TRMT9B: variants seen among roughly 807,000 people sequenced by gnomAD.
The protein encoded by TRMT9B is probable tRNA methyltransferase 9B.
TRMT9B carries 16 observed loss-of-function variants against 11.5 expected under a neutral mutation model. That is an observed-to-expected ratio of 1.39 (90% CI 0.94 to 2.11). The LOEUF is 2.11. Among genes scored for constraint, TRMT9B ranks in the 30% most tolerant of loss-of-function variants. The probability of loss-of-function intolerance (pLI) is 0.00; values close to 1 mark genes in which losing one functional copy is unlikely to be tolerated. For synonymous variants in TRMT9B, 274 were observed against 192.4 expected (o/e 1.42, Z -3.51); for missense variants, 941 against 553.8 (o/e 1.70, Z -7.02).
chr8:12,956,698 C>T (rs1446976910), intron 1 of TRMT9B, among the ~76,000 whole-genome samples: 1 of 152,228 alleles, frequency 6.6e-6, no homozygotes, highest in African/African-American at 2.4e-5. Flanking sequence ...GTGTTTTTCC[C>T]GAATCTTTCT....
At chr8:12,996,002 G>C (rs1000984291) in intron 2 of TRMT9B, among the ~76,000 whole-genome samples, 1 of 152,128 alleles carries the variant, frequency 6.6e-6, no homozygotes, top group Non-Finnish European at 1.5e-5. Context: ...GTCTTAACGA[G>C]TAACAGTAAC....
intron 1 of TRMT9B, among the ~76,000 whole-genome samples, chr8:12,961,486 G>T (rs897531841): frequency 1.3e-4 from 19 of 151,898 alleles, no homozygotes; most frequent in Non-Finnish European, 2.2e-4. Context: ...CGGATCACGA[G>T]GTCAGGAGAT....
chr8:12,952,122 G>A, intron 1 of TRMT9B: 1 of 444,540 alleles, frequency 2.2e-6, no homozygotes, highest in Non-Finnish European at 4.5e-6. Context: ...AGCAGCTTTT[G>A]CCCCTGGCTG....
At chr8:12,948,951 C>T (rs1219297846) in intron 1 of TRMT9B, among the ~76,000 whole-genome samples, 3 of 152,158 alleles carry the variant, frequency 2.0e-5, no homozygotes, top group South Asian at 2.1e-4. Context: ...CAGGGCAAGA[C>T]TCCGTTTCAA....
At chr8:13,014,894 C>T (rs564904084) in intron 4 of TRMT9B, among the ~76,000 whole-genome samples, 1 of 151,888 alleles carries the variant, frequency 6.6e-6, no homozygotes, top group African/African-American at 2.4e-5. Context: ...AACCCCGTCT[C>T]TACTAAAAAT....
chr8:12,959,493 TCCTC>T (rs1801767040), intron 1 of TRMT9B, among the ~76,000 whole-genome samples: 2 of 147,022 alleles, frequency 1.4e-5, no homozygotes, highest in Admixed American at 6.8e-5. Flanking sequence ...TCCTCTCCTC[TCCTC>T]TCCTTTCCTT....
At position 12,955,794 on chromosome 8, in the gene TRMT9B, A is replaced by G. The variant is rs142474881; in HGVS notation, c.-200+9828A>G. 1.1e-4 allele frequency among the ~76,000 whole-genome samples: 17 copies of G among 152,270 alleles called. No homozygotes were observed. In the East Asian group the frequency reaches 3.3e-3, roughly 29 times the overall value. ...CAGGAAGGTTGGAATGAAGGTTGCA[A>G]CTGAAAGTAGGGGAGGGGACCTGGC... is the stretch of plus-strand genomic sequence containing the variant. On this transcript the variant is annotated intron_variant, in intron 1 of 4. Transcript: ENST00000524591.
Position 12,990,888 on chromosome 8 carries a change from A to G in TRMT9B, c.-145A>G. 1 of 1,289,668 alleles carries G rather than the reference A, an allele frequency of 7.8e-7. No homozygotes were observed. Among genetic ancestry groups the G allele is most frequent in the Non-Finnish European group, 1.0e-6 (1 of 988,686 alleles). 79.9% of individuals were successfully genotyped at this position (1,289,668 alleles called of 1,614,324 possible). ...AGAGGTTTATCATGAGAAGGACCGCACTATTTCATTTCACTCCTACAAGTT... is the reference window on the plus strand; with the variant it reads ...AGAGGTTTATCATGAGAAGGACCGCGCTATTTCATTTCACTCCTACAAGTT... On this transcript the variant is annotated 5_prime_UTR_variant, in exon 2 of 5. Transcript: ENST00000524591.
chr8:12,990,593 C>T (rs1205783468), intron 1 of TRMT9B, among the ~76,000 whole-genome samples: 1 of 152,134 alleles, frequency 6.6e-6, no homozygotes, highest in African/African-American at 2.4e-5. Flanking sequence ...AAGATGAAAT[C>T]ATTCAATTTA....
intron 1 of TRMT9B, chr8:12,952,568 T>C (rs1800771870): frequency 2.9e-6 from 1 of 340,950 alleles, no homozygotes; most frequent in Admixed American, 6.5e-5. Flanking sequence ...TATTTTTTCA[T>C]GGAGTGCACG....
At chr8:12,959,101 T>G (rs1801700753) in intron 1 of TRMT9B, among the ~76,000 whole-genome samples, 1 of 152,022 alleles carries the variant, frequency 6.6e-6, no homozygotes, top group Non-Finnish European at 1.5e-5. Flanking sequence ...ATAATAATAA[T>G]AAAAAGAATT....
At chr8:12,956,729 T>A in intron 1 of TRMT9B, among the ~76,000 whole-genome samples, 1 of 152,230 alleles carries the variant, frequency 6.6e-6, no homozygotes, top group East Asian at 1.9e-4. Flanking sequence ...ACTTTCAGCA[T>A]GCTCATTTTA....
At chr8:12,987,286 A>G (rs1410303154) in intron 1 of TRMT9B, among the ~76,000 whole-genome samples, 1 of 152,216 alleles carries the variant, frequency 6.6e-6, no homozygotes, top group Admixed American at 6.5e-5. Context: ...AATGTGTTAA[A>G]TGCTTACAAC....
At chr8:13,004,146 A>G (rs1809981803) in intron 2 of TRMT9B, among the ~76,000 whole-genome samples, 1 of 152,030 alleles carries the variant, frequency 6.6e-6, no homozygotes, top group African/African-American at 2.4e-5. Context: ...TGCTGGTCCC[A>G]GCAGTCTGAA....
At chr8:12,968,353 A>G (rs1803114534) in intron 1 of TRMT9B, among the ~76,000 whole-genome samples, 2 of 152,192 alleles carry the variant, frequency 1.3e-5, no homozygotes, top group Non-Finnish European at 1.5e-5. Context: ...TGTCCCTTTA[A>G]TCTAGAAAGC....
rs867738745 is a variant in TRMT9B at position 12,990,889 on chromosome 8, C to G, written c.-144C>G. ...GAGGTTTATCATGAGAAGGACCGCA[C>G]TATTTCATTTCACTCCTACAAGTTT... On this transcript the variant is annotated 5_prime_UTR_variant, in exon 2 of 5. Coordinates refer to ENST00000524591, the MANE Select transcript of TRMT9B (RefSeq NM_020844.3). The G allele has an allele frequency of 7.8e-7, 1 of 1,289,640 alleles. No individual in the cohort carries two copies. Among genetic ancestry groups the G allele is most frequent in the African/African-American group, 1.5e-5 (1 of 65,966 alleles). The allele number at this position is 1,289,640 out of a possible 1,614,324, so 79.9% of individuals were successfully genotyped here.
chr8:13,015,745 C>T (rs1270408406), intron 4 of TRMT9B, among the ~76,000 whole-genome samples: 1 of 152,108 alleles, frequency 6.6e-6, no homozygotes, highest in Admixed American at 6.5e-5. Flanking sequence ...CTTTCCTATG[C>T]TTGGGAAACA....
At chr8:13,007,358 T>C (rs1214377278) in intron 3 of TRMT9B, 1 of 152,366 alleles carries the variant, frequency 6.6e-6, no homozygotes, top group African/African-American at 2.4e-5. Flanking sequence ...CACAGCTTAG[T>C]AGATCTAGGA....
rs889855440 is a variant in TRMT9B, at chr8:13,010,794, G to A, written c.155-1890G>A. 9 of 982,544 alleles carry A rather than the reference G, an allele frequency of 9.2e-6. No homozygotes were observed. The African/African-American group carries it at 1.1e-4, about 11-fold the overall frequency. The allele number at this position is 982,544 out of a possible 1,614,324, so 60.9% of individuals were successfully genotyped here. A position where few individuals can be genotyped will look rare whatever the true frequency, so the allele number is the denominator to read the frequency against. ...TTATTTTTCTTAAAATAGGACCATCGTCTTTTGAAATACACAGGATTTTAA... is the reference window on the plus strand; with the variant it reads ...TTATTTTTCTTAAAATAGGACCATCATCTTTTGAAATACACAGGATTTTAA... On this transcript the variant is annotated intron_variant, in intron 3 of 4. Transcript: ENST00000524591.
Sources: gnomAD v4.1 joint callset for allele counts (sites outside exome capture counted in the v4.1 genomes callset) on GRCh38, gnomAD v4.1.1 for gene constraint, MANE v1.5 for transcripts, NCBI Gene and HGNC (gene_info 2026-07-23, HGNC 2026-07-21) for gene names.